The following DOCK4 variants were observed in gnomAD, a reference collection of about 807,000 sequenced individuals.
The protein encoded by DOCK4 is dedicator of cytokinesis protein 4.
In DOCK4, 97 loss-of-function variants were observed where a neutral mutation model predicts 268.1. The observed-to-expected ratio is 0.36, with a 90% confidence interval of 0.31 to 0.43. The LOEUF (loss-of-function observed/expected upper bound fraction) is 0.43. Among genes scored for constraint, DOCK4 ranks in the 20% least tolerant of loss-of-function variants. The pLI is 1.00. For missense variants in DOCK4, 2,145 were observed against 2,455.7 expected (o/e 0.87, Z 2.67); for synonymous variants, 954 against 887.2 (o/e 1.08, Z -1.34).
At chr7:112,141,924 G>A (rs1814971679) in intron 1 of DOCK4, among the ~76,000 whole-genome samples, 1 of 152,146 alleles carries the variant, frequency 6.6e-6, no homozygotes, top group African/African-American at 2.4e-5. Context: ...TTGTTCAAGA[G>A]AGGCCAGAAA....
chr7:112,108,767 C>A (rs1457987310), intron 1 of DOCK4, among the ~76,000 whole-genome samples: 1 of 152,212 alleles, frequency 6.6e-6, no homozygotes, highest in South Asian at 2.1e-4. Flanking sequence ...AATACCCACA[C>A]GATTGCATTT....
At chr7:111,955,361 A>C (rs536798713) in intron 8 of DOCK4, among the ~76,000 whole-genome samples, 1 of 152,236 alleles carries the variant, frequency 6.6e-6, no homozygotes, top group Admixed American at 6.5e-5. Context: ...TTTTCTTTTA[A>C]AAATATTAAT....
At chr7:112,127,519 C>A (rs1813346133) in intron 1 of DOCK4, among the ~76,000 whole-genome samples, 3 of 151,110 alleles carry the variant, frequency 2.0e-5, no homozygotes, top group Non-Finnish European at 4.4e-5. Context: ...ATGTAACTAA[C>A]CTGCACATTG....
chr7:111,804,038 C>CA (rs920671134), intron 30 of DOCK4, among the ~76,000 whole-genome samples: 4 of 152,102 alleles, frequency 2.6e-5, no homozygotes, highest in Non-Finnish European at 5.9e-5. Context: ...AACAGTTCCT[C>CA]AAAAAATTAA....
At chr7:111,952,459 T>C (rs529415025) in intron 8 of DOCK4, among the ~76,000 whole-genome samples, 1 of 152,288 alleles carries the variant, frequency 6.6e-6, no homozygotes, top group African/African-American at 2.4e-5. Context: ...ATATCAAAAA[T>C]TTTGACATTT....
intron 1 of DOCK4, among the ~76,000 whole-genome samples, chr7:112,108,284 T>G (rs1178263283): frequency 6.6e-6 from 1 of 152,186 alleles, no homozygotes; most frequent in Non-Finnish European, 1.5e-5. Flanking sequence ...ATTTATATTC[T>G]TTACATAATC....
At chr7:112,063,118 CAGT>C (rs1806587076) in intron 1 of DOCK4, among the ~76,000 whole-genome samples, 2 of 152,182 alleles carry the variant, frequency 1.3e-5, no homozygotes, top group South Asian at 4.1e-4. Flanking sequence ...CAGAATCTCC[CAGT>C]TTAAAATAAA....
intron 12 of DOCK4, among the ~76,000 whole-genome samples, chr7:111,933,905 T>C (rs1794476431): frequency 1.3e-5 from 2 of 152,196 alleles, no homozygotes; most frequent in South Asian, 4.1e-4. Flanking sequence ...CTCACTGAAC[T>C]GAATGACAAA....
rs1794748334 is a variant in DOCK4, at chr7:111,727,824, C to G, written c.*450G>C. On this transcript the variant is annotated 3_prime_UTR_variant, in exon 53 of 53. Transcript: ENST00000428084. ...ATTCTGATGATCTGCACTGATAAAC[C>G]TTGCCTTATTTACAGAAGTCTTCTA... 6.5e-6 allele frequency: 1 copy of G among 154,032 alleles called. No homozygotes were observed. The highest frequency in any genetic ancestry group is 2.1e-4 in the South Asian group (1 of 4,840). 9.5% of individuals were successfully genotyped at this position (154,032 alleles called of 1,614,324 possible). A position where few individuals can be genotyped will look rare whatever the true frequency, so the allele number is the denominator to read the frequency against.
At chr7:111,734,717 G>T (rs148292155) in intron 51 of DOCK4, among the ~76,000 whole-genome samples, 155 of 152,298 alleles carry the variant, frequency 1.0e-3, no homozygotes, top group African/African-American at 3.5e-3. Flanking sequence ...CTGAGTTAGC[G>T]GAGGTTGATA....
At chr7:112,010,521 A>G (rs1024007455) in intron 1 of DOCK4, among the ~76,000 whole-genome samples, 8 of 152,140 alleles carry the variant, frequency 5.3e-5, no homozygotes, top group Admixed American at 2.0e-4. Flanking sequence ...TCTCCTGGAT[A>G]CTGCTCTATG....
intron 12 of DOCK4, 160 bp downstream of exon 12, chr7:111,935,380 G>C: frequency 1.4e-6 from 1 of 703,928 alleles, no homozygotes; most frequent in South Asian, 1.5e-5. Flanking sequence ...CCCTATCATA[G>C]CATAGGAAGA....
intron 1 of DOCK4, among the ~76,000 whole-genome samples, chr7:112,085,591 G>T (rs968330353): frequency 6.6e-6 from 1 of 152,134 alleles, no homozygotes; most frequent in South Asian, 2.1e-4. Context: ...CAGATGGGTA[G>T]AAGTTCTTTA....
intron 28 of DOCK4, 65 bp from the exon 29 acceptor site, chr7:111,809,466 T>C (rs1285581397): frequency 6.5e-6 from 9 of 1,383,918 alleles, no homozygotes; most frequent in South Asian, 1.2e-5. Flanking sequence ...TGAAGTGACA[T>C]AGTATTTTGG....
intron 1 of DOCK4, among the ~76,000 whole-genome samples, chr7:112,111,944 G>A (rs1029368407): frequency 3.4e-4 from 52 of 152,152 alleles, no homozygotes; most frequent in African/African-American, 1.2e-3. Context: ...CACAGTAAAC[G>A]GGAAGTGAGT....
intron 1 of DOCK4, among the ~76,000 whole-genome samples, chr7:112,148,900 A>G (rs963176632): frequency 1.1e-4 from 16 of 152,190 alleles, no homozygotes; most frequent in Non-Finnish European, 2.9e-5. Context: ...AAGAGGTAAC[A>G]TGAACCCCAA....
intron 5 of DOCK4, among the ~76,000 whole-genome samples, chr7:111,991,091 G>T (rs1163447108): frequency 6.6e-6 from 1 of 152,168 alleles, no homozygotes; most frequent in African/African-American, 2.4e-5. Flanking sequence ...AAAGTCACCT[G>T]CCTGCTCTTG....
intron 35 of DOCK4, among the ~76,000 whole-genome samples, chr7:111,780,321 C>T (rs1798715461): frequency 6.6e-6 from 1 of 151,924 alleles, no homozygotes; most frequent in Non-Finnish European, 1.5e-5. Flanking sequence ...TAGATCTTGG[C>T]ATTCTTTAAA....
intron 1 of DOCK4, among the ~76,000 whole-genome samples, chr7:112,115,952 T>C (rs1586853020): frequency 6.6e-6 from 1 of 152,214 alleles, no homozygotes; most frequent in African/African-American, 2.4e-5. Context: ...GTGCTAGAAT[T>C]ACAGGCATGA....
Sources: allele counts gnomAD v4.1 joint callset (sites outside exome capture counted in the v4.1 genomes callset), GRCh38; gene constraint gnomAD v4.1.1; transcripts MANE v1.5; gene names NCBI Gene and HGNC (gene_info 2026-07-23, HGNC 2026-07-21).